Variants in CEP128 observed in about 807,000 individuals in gnomAD.
CEP128 encodes centrosomal protein 128kDa.
In CEP128, 132 loss-of-function variants were observed where a neutral mutation model predicts 156.7. That is an observed-to-expected ratio of 0.84 (90% CI 0.73 to 0.97). CEP128 has a LOEUF of 0.97. Among genes scored for constraint, CEP128 ranks in the 50% least tolerant of loss-of-function variants. The probability of loss-of-function intolerance (pLI) is 0.00; values close to 1 mark genes in which losing one functional copy is unlikely to be tolerated. For synonymous variants in CEP128, 469 were observed against 448.9 expected (o/e 1.04, Z -0.57); for missense variants, 1,252 against 1,281.9 (o/e 0.98, Z 0.36).
chr14:80,875,487 G>C (rs1203514316), intron 8 of CEP128, among the ~76,000 whole-genome samples: 1 of 152,094 alleles, frequency 6.6e-6, no homozygotes, highest in Non-Finnish European at 1.5e-5. Context: ...CAAAGTCCAA[G>C]AAAAGCAAAG....
intron 19 of CEP128, among the ~76,000 whole-genome samples, chr14:80,729,116 TGTGTGTGTGTG>T (rs1394570193): frequency 1.0e-5 from 1 of 95,424 alleles, no homozygotes; most frequent in African/African-American, 3.1e-5. Context: ...TGTGTGTGTG[TGTGTGTGTGTG>T]TTTACCCAGT....
chr14:80,737,419 A>AAAAAGAT (rs58115471), intron 19 of CEP128, among the ~76,000 whole-genome samples: 12,725 of 151,834 alleles, frequency 0.084, 1,770 homozygotes, highest in African/African-American at 0.29. Flanking sequence ...AGAAAAAAGA[A>AAAAAGAT]AAAAAATTAT....
At chr14:80,594,538 T>C (rs1356701522) in intron 19 of CEP128, among the ~76,000 whole-genome samples, 1 of 152,082 alleles carries the variant, frequency 6.6e-6, no homozygotes, top group African/African-American at 2.4e-5. Flanking sequence ...ACAGGCAACA[T>C]ACAGAATGGG....
chr14:80,904,829 G>C lies in CEP128; in HGVS notation c.464C>G (p.Thr155Ser). Residue 155 changes from threonine (T) to serine (S), a missense_variant, in exon 6 of 25, where the codon ACT becomes AGT. Coordinates refer to ENST00000555265, the MANE Select transcript of CEP128 (RefSeq NM_152446.5). ...ACAAAGTACCTGAGTCATATCATCA[G>C]TCTCTTGAACAAACCGGACACCAGT... Reference protein sequence around the residue: ...SRTGVRFVQETDDMTQLHGFH... With the variant: ...SRTGVRFVQESDDMTQLHGFH... 6.3e-7 allele frequency: 1 copy of C among 1,580,224 alleles called. No individual in the cohort carries two copies. The highest frequency in any genetic ancestry group is 8.7e-7 in the Non-Finnish European group (1 of 1,149,216).
At chr14:80,754,791 T>C (rs1899568864) in intron 18 of CEP128, among the ~76,000 whole-genome samples, 1 of 152,200 alleles carries the variant, frequency 6.6e-6, no homozygotes, top group Non-Finnish European at 1.5e-5. Context: ...GCCCACAGCA[T>C]GTAACAGCAT....
intron 13 of CEP128, among the ~76,000 whole-genome samples, chr14:80,803,442 G>T (rs1883993397): frequency 6.6e-6 from 1 of 151,764 alleles, no homozygotes; most frequent in African/African-American, 2.4e-5. Flanking sequence ...GAAAAAGAGT[G>T]GGCAGTGGGG....
chr14:80,520,218 A>T, intron 23 of CEP128, among the ~76,000 whole-genome samples: 1 of 152,152 alleles, frequency 6.6e-6, no homozygotes, highest in East Asian at 1.9e-4. Context: ...CAGGGGTTGG[A>T]GACCAGCCTG....
chr14:80,954,564 T>C (rs902754137), intron 2 of CEP128, among the ~76,000 whole-genome samples: 2 of 152,210 alleles, frequency 1.3e-5, no homozygotes, highest in African/African-American at 4.8e-5. Flanking sequence ...CTAGTCAATC[T>C]TTCCTAACCT....
intron 18 of CEP128, among the ~76,000 whole-genome samples, chr14:80,746,492 A>G (rs1383600312): frequency 6.6e-6 from 1 of 152,204 alleles, no homozygotes; most frequent in Admixed American, 6.5e-5. Flanking sequence ...TAGAGAAAAG[A>G]ATAGTCTTAC....
intron 8 of CEP128, among the ~76,000 whole-genome samples, chr14:80,875,503 T>C (rs772543243): frequency 4.6e-5 from 7 of 152,096 alleles, no homozygotes; most frequent in Non-Finnish European, 1.0e-4. Flanking sequence ...CAAAGGATAA[T>C]AGACAATCGA....
chr14:80,565,416 G>A (rs1429359305), intron 20 of CEP128, among the ~76,000 whole-genome samples: 2 of 151,978 alleles, frequency 1.3e-5, no homozygotes, highest in East Asian at 3.9e-4. Flanking sequence ...AAAAACTCTG[G>A]TCCCCGAATG....
intron 19 of CEP128, among the ~76,000 whole-genome samples, chr14:80,670,616 C>A (rs191392804): frequency 6.6e-6 from 1 of 151,982 alleles, no homozygotes; most frequent in African/African-American, 2.4e-5. Context: ...ATAATAGATA[C>A]TGGAGATTAG....
chr14:80,846,473 C>A (rs1164425386), intron 9 of CEP128, among the ~76,000 whole-genome samples: 2 of 151,942 alleles, frequency 1.3e-5, no homozygotes, highest in Admixed American at 6.6e-5. Flanking sequence ...GTCATATGGG[C>A]ACTAGCTCAC....
chr14:80,893,178 C>T (rs1485329527), intron 8 of CEP128, among the ~76,000 whole-genome samples: 4 of 151,952 alleles, frequency 2.6e-5, no homozygotes, highest in African/African-American at 9.7e-5. Context: ...TTTACCACAA[C>T]ATGGCTAGGT....
intron 2 of CEP128, among the ~76,000 whole-genome samples, chr14:80,956,380 T>C (rs1385463277): frequency 1.3e-5 from 2 of 152,262 alleles, no homozygotes; most frequent in Non-Finnish European, 2.9e-5. Context: ...TGTAAGTTAC[T>C]TACTCAAATG....
At position 80,530,837 on chromosome 14, in the gene CEP128, C is replaced by T. The variant is rs554242080; in HGVS notation, c.2930G>A (p.Ser977Asn). The change falls in exon 22 of 25, where the codon AGC (serine) becomes AAC (asparagine). Residue 977 changes from serine (S) to asparagine (N), a missense_variant. Physicochemically the swap from Ser to Asn is conservative, Grantham distance 46. Coordinates refer to ENST00000555265, the MANE Select transcript of CEP128 (RefSeq NM_152446.5). ...DHLESVPEKL[S>N]LLEDFKDFRD... The stretch of plus-strand genomic sequence containing the variant: ...GAAGTCTTTGAAATCTTCTAGTAGG[C>T]TCAGTTTCTCAGGCACAGACTCCAG... 6.2e-7 allele frequency: 1 copy of T among 1,607,952 alleles called. No homozygotes were observed. The highest frequency in any genetic ancestry group is 1.1e-5 in the South Asian group (1 of 89,724).
At chr14:80,860,182 T>A (rs570165874) in intron 9 of CEP128, among the ~76,000 whole-genome samples, 1 of 152,298 alleles carries the variant, frequency 6.6e-6, no homozygotes, top group South Asian at 2.1e-4. Flanking sequence ...TTAAGCCATT[T>A]AACATGGGAG....
At position 80,743,279 on chromosome 14, in the gene CEP128, C is replaced by T. The variant is rs543934516; in HGVS notation, c.2614-12G>A. 2.5e-6 allele frequency: 4 copies of T among 1,568,942 alleles called. No individual in the cohort carries two copies. The highest frequency in any genetic ancestry group is 2.7e-5 in the African/African-American group (2 of 73,756). ...CACTGAAGTTTAGTCTAAAAAATAA[C>T]ATTTATATCTAATGGTTAAAGAAAC... On this transcript the variant is annotated splice_polypyrimidine_tract_variant and intron_variant, in intron 18 of 24. Transcript: ENST00000555265.
chr14:80,765,841 C>A (rs1042991985), intron 16 of CEP128, among the ~76,000 whole-genome samples: 1 of 152,192 alleles, frequency 6.6e-6, no homozygotes, highest in Non-Finnish European at 1.5e-5. Flanking sequence ...TTAAATACAA[C>A]CCCATAACCT....
Sources: gnomAD v4.1 joint callset for allele counts (sites outside exome capture counted in the v4.1 genomes callset) on GRCh38, gnomAD v4.1.1 for gene constraint, MANE v1.5 for transcripts, NCBI Gene and HGNC (gene_info 2026-07-23, HGNC 2026-07-21) for gene names.